ANOS1: variants seen among roughly 807,000 people sequenced by gnomAD.
The protein encoded by ANOS1 is anosmin 1.
ANOS1 carries 6 observed loss-of-function variants against 59.0 expected under a neutral mutation model. The ratio of observed to expected loss-of-function variants is 0.10; its 90% confidence interval spans 0.06 to 0.20. ANOS1 has a LOEUF of 0.20. Ranked by LOEUF, ANOS1 falls within the 10% of genes least tolerant of loss-of-function variation. The probability of loss-of-function intolerance (pLI) is 1.00; values close to 1 mark genes in which losing one functional copy is unlikely to be tolerated. For synonymous variants in ANOS1, 217 were observed against 223.4 expected (o/e 0.97, Z 0.25); for missense variants, 433 against 542.3 (o/e 0.80, Z 2.00).
chrX:8,728,024 C>A (rs2146916208), intron 1 of ANOS1, among the ~76,000 whole-genome samples: 1 of 112,556 alleles, frequency 8.9e-6, no homozygotes, highest in Non-Finnish European at 1.9e-5. Context: ...TATCTTATTT[C>A]CTTTAACAAA....
intron 2 of ANOS1, among the ~76,000 whole-genome samples, chrX:8,674,077 C>T (rs1296019170): frequency 1.8e-5 from 2 of 112,027 alleles, no homozygotes; most frequent in African/African-American, 6.5e-5. Flanking sequence ...CAAGAAGGGC[C>T]TTATAAACCA....
chrX:8,558,657 G>A (rs979164316), intron 8 of ANOS1, among the ~76,000 whole-genome samples: 6 of 111,234 alleles, frequency 5.4e-5, no homozygotes, highest in Admixed American at 4.8e-4. Context: ...ATAGGTTTTC[G>A]TGGAAAACCT....
At chrX:8,643,271 CAATTTAACAAAATAATGTATCATTTA>C (rs1931695801) in intron 2 of ANOS1, among the ~76,000 whole-genome samples, 1 of 111,858 alleles carries the variant, frequency 8.9e-6, no homozygotes, top group Admixed American at 9.5e-5. Flanking sequence ...TTTTAAATGT[CAATTTAACAAAATAATGTATCATTTA>C]AAGATCTGGT....
At chrX:8,674,358 TTA>T (rs1336285701) in intron 2 of ANOS1, among the ~76,000 whole-genome samples, 3 of 112,103 alleles carry the variant, frequency 2.7e-5, no homozygotes, top group Admixed American at 9.5e-5. Flanking sequence ...GTTTTGCTGT[TTA>T]TGTTAGCGAT....
intron 8 of ANOS1, among the ~76,000 whole-genome samples, chrX:8,556,029 G>C (rs908085994): frequency 2.7e-5 from 3 of 112,212 alleles, no homozygotes; most frequent in Non-Finnish European, 3.8e-5. Flanking sequence ...GGGATGCAAG[G>C]CTGGTTCAAC....
At chrX:8,593,214 T>C (rs777997853) in intron 4 of ANOS1, among the ~76,000 whole-genome samples, 1 of 111,910 alleles carries the variant, frequency 8.9e-6, no homozygotes, top group South Asian at 3.7e-4. Context: ...ACAATCTCAG[T>C]AATAAACTAC....
In ANOS1 at chrX:8,650,637, G is replaced by C. The variant is rs746396719; in HGVS notation, c.256-26967C>G. Among the ~76,000 whole-genome samples, 12 of 111,711 alleles carry C rather than the reference G, an allele frequency of 1.1e-4. No homozygotes were observed. In the South Asian group the frequency reaches 4.2e-3, roughly 39 times the overall value. On this transcript the variant is annotated intron_variant, in intron 2 of 13. Transcript: ENST00000262648. ...GGAAGCTGAGGCAGGAGAATCTTTT[G>C]AGCCCGGGAGACGGTGGTGGCAGTG...
chrX:8,696,504 G>A (rs73199063), intron 2 of ANOS1, among the ~76,000 whole-genome samples: 6,721 of 111,967 alleles, frequency 0.06, 233 homozygotes, highest in African/African-American at 0.13. Context: ...AGTACATGAT[G>A]ACAATCAGAA....
chrX:8,548,742 T>G (rs1281549448), intron 9 of ANOS1, among the ~76,000 whole-genome samples: 1 of 112,232 alleles, frequency 8.9e-6, no homozygotes, highest in Non-Finnish European at 1.9e-5. Context: ...AGTTATATCT[T>G]TGGAATCAAG....
At chrX:8,575,179 G>A (rs1210175278) in intron 6 of ANOS1, among the ~76,000 whole-genome samples, 2 of 112,346 alleles carry the variant, frequency 1.8e-5, no homozygotes, top group East Asian at 5.6e-4. Context: ...AATCAAAGGA[G>A]TGTTCTTCCC....
At chrX:8,653,000 C>T (rs1259961855) in intron 2 of ANOS1, among the ~76,000 whole-genome samples, 1 of 110,345 alleles carries the variant, frequency 9.1e-6, no homozygotes, top group Non-Finnish European at 1.9e-5. Context: ...AGACTACAGG[C>T]ATGCAGCACC....
chrX:8,572,931 C>T lies in ANOS1; in HGVS notation c.857-2227G>A, dbSNP rs1194739041. Among the ~76,000 whole-genome samples the T allele has an allele frequency of 3.6e-5, 4 of 111,091 alleles. No individual in the cohort carries two copies. The East Asian group carries it at 8.5e-4, about 24-fold the overall frequency. The stretch of plus-strand genomic sequence containing the variant: ...GTCGTTATTGGAATGGGAAGCACCC[C>T]AATATGGAGGTCTGGCAGAGCCATG... On this transcript the variant is annotated intron_variant, in intron 6 of 13. Transcript: ENST00000262648.
At chrX:8,604,820 T>A (rs948494785) in intron 3 of ANOS1, among the ~76,000 whole-genome samples, 1 of 112,726 alleles carries the variant, frequency 8.9e-6, no homozygotes, top group African/African-American at 3.2e-5. Flanking sequence ...ATCACTGAAT[T>A]AAAGTATGTT....
chrX:8,602,025 C>T (rs1930852232), intron 3 of ANOS1, among the ~76,000 whole-genome samples: 1 of 111,836 alleles, frequency 8.9e-6, no homozygotes, highest in Non-Finnish European at 1.9e-5. Flanking sequence ...GTACCCTGTA[C>T]TTAAATGAAG....
At position 8,604,522 on chromosome X, in the gene ANOS1, C is replaced by CT. The variant is rs890425444; in HGVS notation, c.319-7267dup. Among the ~76,000 whole-genome samples, 6 of 112,100 alleles carry CT rather than the reference C, an allele frequency of 5.4e-5. No homozygotes were observed. The Admixed American group carries it at 5.7e-4, about 11-fold the overall frequency. Reference sequence around the variant, plus strand: ...TAGTGGGGTGATTTCAAATTTCTTTCTTTTTTTATTCCTTTTCTTTAGCAA... The same window carrying CT: ...TAGTGGGGTGATTTCAAATTTCTTTCTTTTTTTTATTCCTTTTCTTTAGCAA... On this transcript the variant is annotated intron_variant, in intron 3 of 13. Coordinates refer to ENST00000262648, the MANE Select transcript of ANOS1 (RefSeq NM_000216.4).
rs1930644191 is a variant in ANOS1, at chrX:8,592,800, G to A, written c.541+4234C>T. Among the ~76,000 whole-genome samples, 3 of 111,731 alleles carry A rather than the reference G, an allele frequency of 2.7e-5. No individual in the cohort carries two copies. The South Asian group carries it at 1.1e-3, about 42-fold the overall frequency. ...TCTCCAATCATGTTAATATTTCCAA[G>A]CCTTCATTTTGATGCTAATAATTTT... On this transcript the variant is annotated intron_variant, in intron 4 of 13. Coordinates refer to ENST00000262648, the MANE Select transcript of ANOS1 (RefSeq NM_000216.4).
At chrX:8,554,652 G>C (rs776470065) in intron 8 of ANOS1, among the ~76,000 whole-genome samples, 1 of 103,673 alleles carries the variant, frequency 9.6e-6, no homozygotes, top group Non-Finnish European at 2.0e-5. Context: ...ATATATAATG[G>C]TAAAGGGTTC....
At chrX:8,681,286 C>T (rs1192508997) in intron 2 of ANOS1, among the ~76,000 whole-genome samples, 2 of 111,870 alleles carry the variant, frequency 1.8e-5, no homozygotes, top group African/African-American at 3.3e-5. Flanking sequence ...AATTTATAGG[C>T]CCCAATAACA....
At chrX:8,533,846 G>A (rs1324119642) in intron 13 of ANOS1, among the ~76,000 whole-genome samples, 18 of 110,124 alleles carry the variant, frequency 1.6e-4, no homozygotes, top group Admixed American at 9.8e-4. Context: ...TGAAAATCTT[G>A]ATTTAAAAAT....
Sources: allele counts gnomAD v4.1 joint callset (sites outside exome capture counted in the v4.1 genomes callset), GRCh38; gene constraint gnomAD v4.1.1; transcripts MANE v1.5; gene names NCBI Gene and HGNC (gene_info 2026-07-23, HGNC 2026-07-21).